GRM5: variants seen among roughly 807,000 people sequenced by gnomAD.
The protein encoded by GRM5 is metabotropic glutamate receptor 5.
In GRM5, 19 loss-of-function variants were observed where a neutral mutation model predicts 83.1. That is an observed-to-expected ratio of 0.23 (90% CI 0.16 to 0.34). The LOEUF (loss-of-function observed/expected upper bound fraction) is 0.34. Among genes scored for constraint, GRM5 ranks in the 10% least tolerant of loss-of-function variants. The pLI is 1.00. For missense variants in GRM5, 1,160 were observed against 1,588.3 expected (o/e 0.73, Z 4.58); for synonymous variants, 675 against 633.6 (o/e 1.07, Z -0.98).
chr11:88,624,603 G>A (rs971732535), intron 4 of GRM5, among the ~76,000 whole-genome samples: 1 of 152,116 alleles, frequency 6.6e-6, no homozygotes, highest in Non-Finnish European at 1.5e-5. Context: ...GATCTCTTGA[G>A]CCCAGCAGTT....
At chr11:88,767,250 T>C (rs778149347) in intron 3 of GRM5, among the ~76,000 whole-genome samples, 1 of 152,084 alleles carries the variant, frequency 6.6e-6, no homozygotes, top group East Asian at 1.9e-4. Flanking sequence ...AATTCAGCCA[T>C]TGTGAAAAGC....
In GRM5 at chr11:88,722,078, A is replaced by G. The variant is rs529025829; in HGVS notation, c.912-68675T>C. ...ATTAGCAAAGCAGTGAGAAGGAAAT[A>G]TCAAATAATGGAATATTCTCTTGGT... On this transcript the variant is annotated intron_variant, in intron 3 of 9. Coordinates refer to ENST00000305447, the MANE Select transcript of GRM5 (RefSeq NM_001143831.3). Among the ~76,000 whole-genome samples, 48 of 152,300 alleles carry G rather than the reference A, an allele frequency of 3.2e-4. No individual in the cohort carries two copies. In the South Asian group the frequency reaches 9.5e-3, roughly 30 times the overall value.
Position 88,617,688 on chromosome 11 carries a change from C to A in GRM5, c.1148-12724G>T, listed in dbSNP as rs949269011. On this transcript the variant is annotated intron_variant, in intron 4 of 9. Transcript: ENST00000305447. Reference sequence around the variant, plus strand: ...ATGCTTATAACTCTAAGGATGGAAACCCTTCTCTGTGACCAAAGGAACTGT... The same window carrying A: ...ATGCTTATAACTCTAAGGATGGAAAACCTTCTCTGTGACCAAAGGAACTGT... Among the ~76,000 whole-genome samples, 4 of 152,146 alleles carry A rather than the reference C, an allele frequency of 2.6e-5. No individual in the cohort carries two copies. The East Asian group carries it at 5.8e-4, about 22-fold the overall frequency.
At chr11:88,630,074 T>C (rs1184690559) in intron 4 of GRM5, among the ~76,000 whole-genome samples, 1 of 152,192 alleles carries the variant, frequency 6.6e-6, no homozygotes, top group East Asian at 1.9e-4. Flanking sequence ...AATCATCTTC[T>C]CCCTTAACGA....
intron 3 of GRM5, among the ~76,000 whole-genome samples, chr11:88,787,027 T>C (rs771290029): frequency 2.6e-5 from 4 of 152,114 alleles, no homozygotes; most frequent in Non-Finnish European, 5.9e-5. Context: ...AGACTGACAG[T>C]ATACAAGTAA....
At chr11:88,841,213 C>T (rs984388607) in intron 3 of GRM5, among the ~76,000 whole-genome samples, 9 of 152,150 alleles carry the variant, frequency 5.9e-5, no homozygotes, top group Admixed American at 2.6e-4. Context: ...ACATTAAAAA[C>T]CTGTTACAGC....
chr11:89,032,749 A>G (rs1326031542), intron 2 of GRM5, among the ~76,000 whole-genome samples: 2 of 152,088 alleles, frequency 1.3e-5, no homozygotes, highest in African/African-American at 2.4e-5. Context: ...AGCAAATAAG[A>G]TAACACCTGG....
intron 3 of GRM5, among the ~76,000 whole-genome samples, chr11:88,748,043 G>A (rs911330229): frequency 1.3e-5 from 2 of 152,158 alleles, no homozygotes; most frequent in African/African-American, 4.8e-5. Flanking sequence ...GTAGCAGAGA[G>A]CCAAAGGAAC....
chr11:88,878,681 A>G (rs189124885), intron 2 of GRM5, among the ~76,000 whole-genome samples: 109 of 152,322 alleles, frequency 7.2e-4, no homozygotes, highest in Middle Eastern at 3.4e-3. Context: ...GACTGTACTC[A>G]TGAGACTGTC....
intron 3 of GRM5, among the ~76,000 whole-genome samples, chr11:88,727,888 A>G (rs1390883704): frequency 6.6e-6 from 1 of 152,170 alleles, no homozygotes; most frequent in Non-Finnish European, 1.5e-5. Context: ...AGCAGTGTTT[A>G]GAGGGAGATT....
Position 88,780,962 on chromosome 11 carries a change from T to A in GRM5, c.911+68944A>T, listed in dbSNP as rs187000644. The stretch of plus-strand genomic sequence containing the variant: ...ATTTCATTTCTGTAGTCATTAAACA[T>A]GGCTTTTTTTTTCCACTAAGAAATC... On this transcript the variant is annotated intron_variant, in intron 3 of 9. Transcript: ENST00000305447. Among the ~76,000 whole-genome samples, 10 of 152,152 alleles carry A rather than the reference T, an allele frequency of 6.6e-5. No homozygotes were observed. The East Asian group carries it at 1.9e-3, about 29-fold the overall frequency.
At chr11:88,868,539 G>A (rs1281734560) in intron 2 of GRM5, among the ~76,000 whole-genome samples, 1 of 151,642 alleles carries the variant, frequency 6.6e-6, no homozygotes. Context: ...TAACTTCTTA[G>A]TTGTTGGTGT....
chr11:89,050,987 A>C (rs1941746414), intron 1 of GRM5, among the ~76,000 whole-genome samples: 2 of 152,182 alleles, frequency 1.3e-5, no homozygotes, highest in Non-Finnish European at 2.9e-5. Context: ...CAGGAAAGAT[A>C]ACCGGTGAAT....
At position 88,948,612 on chromosome 11, in the gene GRM5, T is replaced by G. The variant is rs368237784; in HGVS notation, c.662-98457A>C. On this transcript the variant is annotated intron_variant, in intron 2 of 9. Coordinates refer to ENST00000305447, the MANE Select transcript of GRM5 (RefSeq NM_001143831.3). Reference sequence around the variant, plus strand: ...ATTCATAAAATTCGTAGAAGTTTTATGACGGTACATGGAGATCATTCCTGT... The same window carrying G: ...ATTCATAAAATTCGTAGAAGTTTTAGGACGGTACATGGAGATCATTCCTGT... 5.2e-5 allele frequency among the ~76,000 whole-genome samples: 8 copies of G among 152,382 alleles called. No individual in the cohort carries two copies. The South Asian group carries it at 1.4e-3, about 28-fold the overall frequency.
chr11:88,567,018 G>A lies in GRM5; in HGVS notation c.2630+35C>T, dbSNP rs1942890911. On this transcript the variant is annotated intron_variant, in intron 8 of 9. Coordinates refer to ENST00000305447, the MANE Select transcript of GRM5 (RefSeq NM_001143831.3). This position sits in a 1 kb window ranked among gnomAD's most constrained non-coding sequence, Gnocchi z 7.3. ...ACACATGCCTCTGCTCCAGTTTTAGGGGCCAGCATCCCTGTAAGCCCCCAC... is the reference window on the plus strand; with the variant it reads ...ACACATGCCTCTGCTCCAGTTTTAGAGGCCAGCATCCCTGTAAGCCCCCAC... 2 of 1,356,180 alleles carry A rather than the reference G, an allele frequency of 1.5e-6. No individual in the cohort carries two copies. Among genetic ancestry groups the A allele is most frequent in the Non-Finnish European group, 2.0e-6 (2 of 977,942 alleles). The allele number at this position is 1,356,180 out of a possible 1,614,324, so 84.0% of individuals were successfully genotyped here. A position where few individuals can be genotyped will look rare whatever the true frequency, so the allele number is the denominator to read the frequency against.
chr11:88,778,133 T>G (rs1367814467), intron 3 of GRM5, among the ~76,000 whole-genome samples: 1 of 151,374 alleles, frequency 6.6e-6, no homozygotes, highest in African/African-American at 2.4e-5. Context: ...CCTTGGCCAC[T>G]CTGTTTACCT....
At chr11:88,677,536 C>G (rs1476233218) in intron 3 of GRM5, among the ~76,000 whole-genome samples, 1 of 152,046 alleles carries the variant, frequency 6.6e-6, no homozygotes, top group African/African-American at 2.4e-5. Context: ...GAAATTAGCC[C>G]AAGAATGAAG....
intron 6 of GRM5, among the ~76,000 whole-genome samples, chr11:88,592,901 C>G (rs1339032493): frequency 1.3e-5 from 2 of 152,096 alleles, no homozygotes; most frequent in Non-Finnish European, 2.9e-5. Context: ...GCAGCCTTGA[C>G]CTCCCCAGCC....
chr11:88,574,829 T>A (rs187763690), intron 7 of GRM5, among the ~76,000 whole-genome samples: 131 of 152,234 alleles, frequency 8.6e-4, no homozygotes, highest in African/African-American at 3.0e-3. Context: ...GACTGATTAA[T>A]CTAATTTTGA....
Sources: allele counts gnomAD v4.1 joint callset (sites outside exome capture counted in the v4.1 genomes callset), GRCh38; gene constraint gnomAD v4.1.1; non-coding constraint Gnocchi (gnomAD v3.1); transcripts MANE v1.5; gene names NCBI Gene and HGNC (gene_info 2026-07-23, HGNC 2026-07-21).